PARD3B: variants seen among roughly 807,000 people sequenced by gnomAD.
The protein encoded by PARD3B is partitioning defective 3 homolog B.
A neutral mutation model predicts 130.2 loss-of-function variants in PARD3B; 103 were observed. That is an observed-to-expected ratio of 0.79 (90% CI 0.67 to 0.93). PARD3B has a LOEUF of 0.93. Ranked by LOEUF, PARD3B falls within the 40% of genes least tolerant of loss-of-function variation. The probability of loss-of-function intolerance (pLI) is 0.00; values close to 1 mark genes in which losing one functional copy is unlikely to be tolerated. For synonymous variants in PARD3B, 583 were observed against 553.2 expected (o/e 1.05, Z -0.76); for missense variants, 1,609 against 1,499.2 (o/e 1.07, Z -1.21).
chr2:204,639,498 A>G (rs1484309812), intron 1 of PARD3B, among the ~76,000 whole-genome samples: 4 of 152,218 alleles, frequency 2.6e-5, no homozygotes, highest in East Asian at 1.9e-4. Context: ...TACTTGGGGA[A>G]TAAATGGATG....
chr2:204,558,623 T>C (rs2197690), intron 1 of PARD3B, among the ~76,000 whole-genome samples: 9,738 of 152,166 alleles, frequency 0.064, 1,011 homozygotes, highest in African/African-American at 0.22. Context: ...TTGCCCAAGG[T>C]AATTTATAGA....
chr2:205,356,484 C>A (rs926560155), intron 18 of PARD3B, among the ~76,000 whole-genome samples: 1 of 152,016 alleles, frequency 6.6e-6, no homozygotes, highest in Non-Finnish European at 1.5e-5. Flanking sequence ...CCCTGTAAAC[C>A]CTAAAAGTGT....
chr2:204,599,846 T>C (rs2033438946), intron 1 of PARD3B, among the ~76,000 whole-genome samples: 1 of 151,102 alleles, frequency 6.6e-6, no homozygotes, highest in African/African-American at 2.4e-5. Flanking sequence ...CTCACTAGCA[T>C]TTTTTTTTAA....
chr2:204,784,357 G>A (rs1176763198), intron 2 of PARD3B, among the ~76,000 whole-genome samples: 3 of 151,880 alleles, frequency 2.0e-5, no homozygotes, highest in South Asian at 2.1e-4. Context: ...TTGAAGATGC[G>A]AGGGCTATAT....
At chr2:204,878,574 T>C (rs544749875) in intron 2 of PARD3B, among the ~76,000 whole-genome samples, 1 of 152,330 alleles carries the variant, frequency 6.6e-6, no homozygotes, top group East Asian at 1.9e-4. Flanking sequence ...AAGAATGAAC[T>C]GTTAGTAACA....
chr2:204,791,827 G>C (rs2042216078), intron 2 of PARD3B, among the ~76,000 whole-genome samples: 1 of 152,120 alleles, frequency 6.6e-6, no homozygotes, highest in African/African-American at 2.4e-5. Flanking sequence ...AACTGGAATT[G>C]CCTAGTTATG....
At chr2:205,177,266 A>G (rs988865574) in intron 13 of PARD3B, among the ~76,000 whole-genome samples, 7 of 152,302 alleles carry the variant, frequency 4.6e-5, no homozygotes, top group African/African-American at 1.7e-4. Context: ...TATTCATTGC[A>G]GAAAATTTAG....
chr2:205,120,737 C>G (rs1284327214), intron 7 of PARD3B, among the ~76,000 whole-genome samples: 1 of 152,140 alleles, frequency 6.6e-6, no homozygotes, highest in Non-Finnish European at 1.5e-5. Context: ...TCAGTCACTT[C>G]TGAGTTTCAA....
chr2:204,606,694 G>A lies in PARD3B; in HGVS notation c.120+60575G>A, dbSNP rs1429165306. On this transcript the variant is annotated intron_variant, in intron 1 of 22. Coordinates refer to ENST00000406610, the MANE Select transcript of PARD3B (RefSeq NM_001302769.2). The surrounding 1 kb of genome is among the most constrained non-coding windows in gnomAD (Gnocchi z 4.0). ...ACGCACTGGTCTCATTACCTATTCCGGTAAGATTCTTCTAGGTTAATATGC... is the reference window on the plus strand; with the variant it reads ...ACGCACTGGTCTCATTACCTATTCCAGTAAGATTCTTCTAGGTTAATATGC... Among the ~76,000 whole-genome samples, 4 of 152,042 alleles carry A rather than the reference G, an allele frequency of 2.6e-5. No homozygotes were observed. The highest frequency in any genetic ancestry group is 6.6e-5 in the Admixed American group (1 of 15,250).
intron 2 of PARD3B, among the ~76,000 whole-genome samples, chr2:204,847,291 A>G (rs2044504002): frequency 6.6e-6 from 1 of 151,402 alleles, no homozygotes; most frequent in Non-Finnish European, 1.5e-5. Context: ...AGAAGCCACC[A>G]TAAGAAATAT....
chr2:204,749,059 A>G (rs964079731), intron 2 of PARD3B, among the ~76,000 whole-genome samples: 1 of 152,072 alleles, frequency 6.6e-6, no homozygotes, highest in Non-Finnish European at 1.5e-5. Flanking sequence ...AATTAATTGA[A>G]ATTGTAAAGT....
chr2:204,898,175 C>T (rs1335445038), intron 2 of PARD3B, among the ~76,000 whole-genome samples: 2 of 149,816 alleles, frequency 1.3e-5, no homozygotes, highest in African/African-American at 4.9e-5. Context: ...TGGACCATTT[C>T]TTTTTTTTTA....
chr2:204,834,159 A>G (rs1010586962), intron 2 of PARD3B, among the ~76,000 whole-genome samples: 5 of 152,014 alleles, frequency 3.3e-5, no homozygotes, highest in African/African-American at 1.2e-4. Context: ...AATTTATAAC[A>G]TTGTTTTCCT....
chr2:204,580,552 T>C (rs1200553750), intron 1 of PARD3B, among the ~76,000 whole-genome samples: 2 of 152,212 alleles, frequency 1.3e-5, no homozygotes, highest in African/African-American at 2.4e-5. Flanking sequence ...AGTGTTGTAC[T>C]GGAAAATACA....
intron 18 of PARD3B, among the ~76,000 whole-genome samples, chr2:205,327,001 C>G (rs1465441827): frequency 6.6e-6 from 1 of 152,156 alleles, no homozygotes; most frequent in Non-Finnish European, 1.5e-5. Context: ...CCAAATAGTT[C>G]TGTAATGTAG....
rs150721844 is a variant in PARD3B at position 205,350,662 on chromosome 2, C to T, written c.2630+48961C>T. On this transcript the variant is annotated intron_variant, in intron 18 of 22. Coordinates refer to ENST00000406610, the MANE Select transcript of PARD3B (RefSeq NM_001302769.2). ...CATATTTTTATGGTACCTTAATAGC[C>T]GAGGCAAAGTCACAGGTGGCCTTCA... is the stretch of plus-strand genomic sequence containing the variant. Among the ~76,000 whole-genome samples the T allele has an allele frequency of 1.8e-3, 274 of 152,118 alleles. 1 individual carries two copies. Among genetic ancestry groups the T allele is most frequent in the African/African-American group, 6.2e-3 (257 of 41,498 alleles).
chr2:204,730,779 T>C (rs1014616669), intron 2 of PARD3B, among the ~76,000 whole-genome samples: 9 of 152,156 alleles, frequency 5.9e-5, no homozygotes, highest in Non-Finnish European at 8.8e-5. Context: ...CATGTATAAA[T>C]TGACAGTGAT....
At chr2:204,596,229 A>C (rs1204715799) in intron 1 of PARD3B, among the ~76,000 whole-genome samples, 1 of 152,220 alleles carries the variant, frequency 6.6e-6, no homozygotes, top group Non-Finnish European at 1.5e-5. Context: ...TTTCAAACTC[A>C]TACAAATAGA....
chr2:205,063,243 T>A (rs1700162851), intron 4 of PARD3B, among the ~76,000 whole-genome samples: 1 of 152,074 alleles, frequency 6.6e-6, no homozygotes. Context: ...TTAACCCTAA[T>A]TTGATCATTA....
Sources: gnomAD v4.1 joint callset for allele counts (sites outside exome capture counted in the v4.1 genomes callset) on GRCh38, gnomAD v4.1.1 for gene constraint, Gnocchi (gnomAD v3.1) non-coding constraint, MANE v1.5 for transcripts, NCBI Gene and HGNC (gene_info 2026-07-23, HGNC 2026-07-21) for gene names.